The following FCER1G variants were observed in gnomAD, a reference collection of about 807,000 sequenced individuals.
FCER1G encodes Fc epsilon receptor Ig.
In FCER1G, 7 loss-of-function variants were observed where a neutral mutation model predicts 17.3. That is an observed-to-expected ratio of 0.40 (90% CI 0.23 to 0.76). FCER1G has a LOEUF of 0.76. Ranked by LOEUF, FCER1G falls within the 30% of genes least tolerant of loss-of-function variation. The pLI, the probability that FCER1G is intolerant of heterozygous loss-of-function variation, is 0.35. For missense variants in FCER1G, 87 were observed against 97.7 expected (o/e 0.89, Z 0.46); for synonymous variants, 35 against 38.7 (o/e 0.90, Z 0.35).
intron 2 of FCER1G, 47 bp downstream of exon 2, chr1:161,218,124 G>C: frequency 1.3e-6 from 2 of 1,543,200 alleles, no homozygotes; most frequent in Non-Finnish European, 1.8e-6. Context: ...GAAGTGGGAG[G>C]AGGGCAGCAG....
In FCER1G at chr1:161,215,350, T is replaced by A. The variant is rs1481905759; in HGVS notation, c.29T>A (p.Leu10His). Reference protein sequence around the residue: MIPAVVLLLLLLVEQAAALG... With the variant: MIPAVVLLLHLLVEQAAALG... Reference sequence around the variant, plus strand: ...ATTCCAGCAGTGGTCTTGCTCTTACTCCTTTTGGTTGAACAAGCAGGTAAG... The same window carrying A: ...ATTCCAGCAGTGGTCTTGCTCTTACACCTTTTGGTTGAACAAGCAGGTAAG... The change falls in exon 1 of 5, where the codon CTC (leucine) becomes CAC (histidine). Residue 10 changes from leucine to histidine, a missense_variant. Coordinates refer to ENST00000289902, the MANE Select transcript of FCER1G (RefSeq NM_004106.2). The A allele has an allele frequency of 1.9e-6, 3 of 1,613,576 alleles. No individual in the cohort carries two copies. Among genetic ancestry groups the A allele is most frequent in the Non-Finnish European group, 8.5e-7 (1 of 1,179,780 alleles).
Position 161,219,091 on chromosome 1 carries a change from T to C in FCER1G, c.*148T>C. 1 of 639,238 alleles carries C rather than the reference T, an allele frequency of 1.6e-6. No homozygotes were observed. Among genetic ancestry groups the C allele is most frequent in the Non-Finnish European group, 2.8e-6 (1 of 351,966 alleles). 39.6% of individuals were successfully genotyped at this position (639,238 alleles called of 1,614,324 possible). ...TCCTAAATTAATATACACCAGTGGT[T>C]CCTCCTCCCTGTTAAAGACTAATGC... On this transcript the variant is annotated 3_prime_UTR_variant, in exon 5 of 5. Transcript: ENST00000289902.
intron 3 of FCER1G, among the ~76,000 whole-genome samples, 158 bp from the exon 4 acceptor site, chr1:161,218,545 G>A (rs1278796367): frequency 6.6e-6 from 1 of 152,148 alleles, no homozygotes; most frequent in Non-Finnish European, 1.5e-5. Context: ...GTAGCCATGT[G>A]GGCAAACAGG....
At chr1:161,216,411 C>CACACACACAT (rs1491150470) in intron 1 of FCER1G, among the ~76,000 whole-genome samples, 14 of 129,750 alleles carry the variant, frequency 1.1e-4, no homozygotes, top group South Asian at 2.6e-4. Context: ...CACACACACA[C>CACACACACAT]ATATATATAT....
Position 161,218,925 on chromosome 1 carries a change from T to C in FCER1G, c.243T>C (p.His81=). The change falls in exon 5 of 5, where the codon CAT becomes CAC. Residue 81 remains histidine, a synonymous_variant. Transcript: ENST00000289902. ...RNQETYETLK[H]EKPPQ is the part of the protein sequence containing the mutation. ...AGGAGACTTACGAGACTCTGAAGCA[T>C]GAGAAACCACCACAGTAGCTTTAGA... The C allele has an allele frequency of 2.5e-6, 4 of 1,612,614 alleles. No homozygotes were observed. Among genetic ancestry groups the C allele is most frequent in the Non-Finnish European group, 3.4e-6 (4 of 1,178,616 alleles).
chr1:161,218,989 C>T lies in FCER1G; in HGVS notation c.*46C>T, dbSNP rs1284211197. 6.7e-7 allele frequency: 1 copy of T among 1,499,400 alleles called. No individual in the cohort carries two copies. Among genetic ancestry groups the T allele is most frequent in the Non-Finnish European group, 9.3e-7 (1 of 1,075,638 alleles). 92.9% of individuals were successfully genotyped at this position (1,499,400 alleles called of 1,614,324 possible). ...TATTCTTCTTTGGCTTCTGGTTCTT[C>T]CAGCCCTCATGGTTGGCATCACATA... On this transcript the variant is annotated 3_prime_UTR_variant, in exon 5 of 5. Transcript: ENST00000289902.
rs930870959 is a variant in FCER1G at position 161,218,882 on chromosome 1, G to A, written c.200G>A (p.Gly67Asp). The A allele has an allele frequency of 1.9e-5, 30 of 1,613,678 alleles. 1 individual carries two copies. Among genetic ancestry groups the A allele is most frequent in the Non-Finnish European group, 2.4e-5 (28 of 1,179,718 alleles). Residue 67 changes from glycine to aspartate, a missense_variant and splice_region_variant, in exon 5 of 5, where the codon GGC becomes GAC. Coordinates refer to ENST00000289902, the MANE Select transcript of FCER1G (RefSeq NM_004106.2). ...SYEKSDGVYTGLSTRNQETYE... is the reference protein window; with the variant it reads ...SYEKSDGVYTDLSTRNQETYE... ...TCGCCCTTTGACTCCCATCTCCAGG[G>A]CCTGAGCACCAGGAACCAGGAGACT... is the stretch of plus-strand genomic sequence containing the variant.
chr1:161,217,385 C>CT (rs748410818), intron 1 of FCER1G, among the ~76,000 whole-genome samples: 18,050 of 121,332 alleles, frequency 0.15, 1,656 homozygotes, highest in East Asian at 0.36. Flanking sequence ...AACAGACACA[C>CT]TTTTTTTTTT....
chr1:161,216,377 TACACACAC>T (rs57711151), intron 1 of FCER1G, among the ~76,000 whole-genome samples: 183 of 120,534 alleles, frequency 1.5e-3, no homozygotes, highest in Middle Eastern at 4.7e-3. Context: ...CACACACACA[TACACACAC>T]ACACACACAC....
At position 161,216,377 on chromosome 1, in the gene FCER1G, T is replaced by C. The variant is rs199510387; in HGVS notation, c.49+1007T>C. ...CTATCTATATACACACACACACACA[T>C]ACACACACACACACACACACACACA... On this transcript the variant is annotated intron_variant, in intron 1 of 4. Coordinates refer to ENST00000289902, the MANE Select transcript of FCER1G (RefSeq NM_004106.2). 4.3e-3 allele frequency among the ~76,000 whole-genome samples: 516 copies of C among 120,256 alleles called. 1 individual carries two copies. The highest frequency in any genetic ancestry group is 9.4e-3 in the Middle Eastern group (2 of 212). 78.9% of individuals were successfully genotyped at this position (120,256 alleles called of 152,430 possible). A position where few individuals can be genotyped will look rare whatever the true frequency, so the allele number is the denominator to read the frequency against.
chr1:161,219,123 G>T lies in FCER1G; in HGVS notation c.*180G>T. On this transcript the variant is annotated 3_prime_UTR_variant, in exon 5 of 5. Transcript: ENST00000289902. The stretch of plus-strand genomic sequence containing the variant: ...CCCTGTTAAAGACTAATGCTCAGAT[G>T]CTGTTTACGGATATTTATATTCTAG... The T allele has an allele frequency of 3.3e-6, 2 of 603,692 alleles. No homozygotes were observed. The highest frequency in any genetic ancestry group is 4.1e-5 in the South Asian group (2 of 49,376). The allele number at this position is 603,692 out of a possible 1,614,324, so 37.4% of individuals were successfully genotyped here. A position where few individuals can be genotyped will look rare whatever the true frequency, so the allele number is the denominator to read the frequency against.
At chr1:161,216,039 C>T (rs1017190034) in intron 1 of FCER1G, among the ~76,000 whole-genome samples, 1 of 152,042 alleles carries the variant, frequency 6.6e-6, no homozygotes, top group Non-Finnish European at 1.5e-5. Context: ...TAGAAAGTGG[C>T]AGGGGAAGGG....
intron 3 of FCER1G, 23 bp downstream of exon 3, chr1:161,218,299 T>A: frequency 6.2e-7 from 1 of 1,607,766 alleles, no homozygotes; most frequent in South Asian, 1.1e-5. Context: ...CTACACCTGG[T>A]GTGGACAACT....
chr1:161,217,313 T>C (rs1318559817), intron 1 of FCER1G, among the ~76,000 whole-genome samples: 4 of 151,676 alleles, frequency 2.6e-5, no homozygotes, highest in African/African-American at 9.7e-5. Flanking sequence ...GGAATCCATA[T>C]AGCTGTGGTC....
rs1477148856 is a variant in FCER1G, at chr1:161,218,083, G to A, written c.141+6G>A. The A allele has an allele frequency of 3.7e-6, 6 of 1,608,622 alleles. No individual in the cohort carries two copies. Among genetic ancestry groups the A allele is most frequent in the Middle Eastern group, 1.6e-4 (1 of 6,068 alleles). On this transcript the variant is annotated splice_donor_region_variant and intron_variant, in intron 2 of 4. Transcript: ENST00000289902. ...TCCTCTACTGTCGACTGAAGGTAGCGCTGGGCAGGGTGGGGTAAGGGCTGG... is the reference window on the plus strand; with the variant it reads ...TCCTCTACTGTCGACTGAAGGTAGCACTGGGCAGGGTGGGGTAAGGGCTGG...
rs780647823 is a variant in FCER1G, at chr1:161,218,969, T to G, written c.*26T>G. 34 of 1,584,248 alleles carry G rather than the reference T, an allele frequency of 2.1e-5. No homozygotes were observed. The highest frequency in any genetic ancestry group is 2.9e-5 in the Non-Finnish European group (33 of 1,152,764). On this transcript the variant is annotated 3_prime_UTR_variant, in exon 5 of 5. Coordinates refer to ENST00000289902, the MANE Select transcript of FCER1G (RefSeq NM_004106.2). The stretch of plus-strand genomic sequence containing the variant: ...CTTTAGAATAGATGCGGTCATATTC[T>G]TCTTTGGCTTCTGGTTCTTCCAGCC...
intron 1 of FCER1G, among the ~76,000 whole-genome samples, chr1:161,217,688 T>G (rs1179285994): frequency 6.6e-6 from 1 of 152,062 alleles, no homozygotes; most frequent in African/African-American, 2.4e-5. Context: ...CAATGGTGCC[T>G]GAAGAACCCA....
In FCER1G at chr1:161,219,082, ACCAGTGGTT is replaced by A; in HGVS notation, c.*142_*150del. ...GATCCTGTGTCCTAAATTAATATAC[ACCAGTGGTT>A]CCTCCTCCCTGTTAAAGACTAATGC... On this transcript the variant is annotated 3_prime_UTR_variant, in exon 5 of 5. Transcript: ENST00000289902. 1.5e-6 allele frequency: 1 copy of A among 655,028 alleles called. No homozygotes were observed. Among genetic ancestry groups the A allele is most frequent in the Non-Finnish European group, 2.8e-6 (1 of 361,258 alleles). The allele number at this position is 655,028 out of a possible 1,614,324, so 40.6% of individuals were successfully genotyped here. A position where few individuals can be genotyped will look rare whatever the true frequency, so the allele number is the denominator to read the frequency against.
At chr1:161,217,952 C>G (rs531968185) in intron 1 of FCER1G, 34 bp from the exon 2 acceptor site, 1 of 1,451,250 alleles carries the variant, frequency 6.9e-7, no homozygotes. Flanking sequence ...CTCCCTGATA[C>G]CCCCGACCCC....
Sources: gnomAD v4.1 joint callset for allele counts (sites outside exome capture counted in the v4.1 genomes callset) on GRCh38, gnomAD v4.1.1 for gene constraint, MANE v1.5 for transcripts, NCBI Gene and HGNC (gene_info 2026-07-23, HGNC 2026-07-21) for gene names.